OTOG: variants seen among roughly 807,000 people sequenced by gnomAD.
The protein encoded by OTOG is otogelin.
OTOG carries 296 observed loss-of-function variants against 313.8 expected under a neutral mutation model. That is an observed-to-expected ratio of 0.94 (90% CI 0.86 to 1.04). OTOG has a LOEUF of 1.04. Ranked by LOEUF, OTOG falls within the 50% of genes least tolerant of loss-of-function variation. The pLI is 0.00. For synonymous variants in OTOG, 1,533 were observed against 1,554.9 expected, an observed-to-expected ratio of 0.99 and a Z score of 0.33; for missense variants, 3,948 against 3,840.1, an observed-to-expected ratio of 1.03 and a Z score of -0.74.
intron 48 of OTOG, 133 bp downstream of exon 48, chr11:17,638,682 C>T (rs1204241583): frequency 2.6e-5 from 39 of 1,500,152 alleles, no homozygotes; most frequent in African/African-American, 4.2e-5. Flanking sequence ...GAGGAAGCCA[C>T]CAGAATCACC....
At position 17,559,091 on chromosome 11, in the gene OTOG, G is replaced by A. The variant is rs897339453; in HGVS notation, c.1143G>A (p.Ala381=). ...TAGCCACCTGGTGCCGGGCACTGGCGGAGTATGCCCGGGCGTGTGCCCAGG... is the reference window on the plus strand; with the variant it reads ...TAGCCACCTGGTGCCGGGCACTGGCAGAGTATGCCCGGGCGTGTGCCCAGG... ...GDVATWCRAL[A]EYARACAQAG... Residue 381 remains alanine (A), a synonymous_variant, in exon 11 of 56, where the codon GCG becomes GCA. Transcript: ENST00000399397. 59 of 1,546,904 alleles carry A rather than the reference G, an allele frequency of 3.8e-5. No individual in the cohort carries two copies. The highest frequency in any genetic ancestry group is 3.6e-4 in the African/African-American group (26 of 73,058).
At chr11:17,551,065 T>A (rs754814327) in intron 3 of OTOG, among the ~76,000 whole-genome samples, 1 of 152,130 alleles carries the variant, frequency 6.6e-6, no homozygotes, top group Non-Finnish European at 1.5e-5. Context: ...GTTTGTGGCT[T>A]GTTGGCCCTA....
intron 41 of OTOG, 74 bp downstream of exon 41, chr11:17,631,996 G>T: frequency 6.5e-7 from 1 of 1,541,424 alleles, no homozygotes; most frequent in Non-Finnish European, 8.8e-7. Context: ...ACCTGCAGAG[G>T]CTCATTGTTC....
At position 17,591,454 on chromosome 11, in the gene OTOG, T is replaced by G. The variant is rs1053422616; in HGVS notation, c.2872T>G (p.Cys958Gly). 3.9e-6 allele frequency: 6 copies of G among 1,550,620 alleles called. No individual in the cohort carries two copies. Among genetic ancestry groups the G allele is most frequent in the Non-Finnish European group, 5.2e-6 (6 of 1,147,034 alleles). Residue 958 changes from cysteine (C) to glycine (G), a missense_variant, in exon 25 of 56, where the codon TGC becomes GGC. Physicochemically the swap from Cys to Gly is radical, Grantham distance 159. Transcript: ENST00000399397. Reference protein sequence around the residue: ...QVMSPCHTCVCQRGSFQCTLH... With the variant: ...QVMSPCHTCVGQRGSFQCTLH... The stretch of plus-strand genomic sequence containing the variant: ...GTCTGGGCATGTGTTTTTCAGTGTG[T>G]GCCAGCGGGGCTCATTCCAGTGCAC...
Position 17,610,616 on chromosome 11 carries a change from C to T in OTOG, c.5316C>T (p.Ala1772=), listed in dbSNP as rs933676518. 52 of 1,550,538 alleles carry T rather than the reference C, an allele frequency of 3.4e-5. No homozygotes were observed. The African/African-American group carries it at 3.4e-4, about 10-fold the overall frequency. ...CTCTGCCCCCAGAGACCCCAGCTGC[C>T]GCCAGCCTGTCAACAGCCACTGATG... ...SPALPPETPA[A]ASLSTATDGL... Residue 1772 remains alanine (A), a synonymous_variant, in exon 36 of 56, where the codon GCC becomes GCT. Coordinates refer to ENST00000399397, the MANE Select transcript of OTOG (RefSeq NM_001292063.2).
At chr11:17,622,412 A>G (rs1853886704) in intron 39 of OTOG, among the ~76,000 whole-genome samples, 1 of 152,198 alleles carries the variant, frequency 6.6e-6, no homozygotes. Flanking sequence ...CTTTAAATGT[A>G]TAATTAAATT....
Position 17,634,057 on chromosome 11 carries a change from T to C in OTOG, c.7268-12T>C. On this transcript the variant is annotated splice_polypyrimidine_tract_variant and intron_variant, in intron 43 of 55. Coordinates refer to ENST00000399397, the MANE Select transcript of OTOG (RefSeq NM_001292063.2). ...TCCTCAGTCCCTCGCACCCTGCCAT[T>C]CCCCTCTGCAGCCTGCACTGACAGC... is the stretch of plus-strand genomic sequence containing the variant. 6.5e-7 allele frequency: 1 copy of C among 1,539,666 alleles called. No homozygotes were observed. The highest frequency in any genetic ancestry group is 8.7e-7 in the Non-Finnish European group (1 of 1,144,512).
intron 6 of OTOG, among the ~76,000 whole-genome samples, chr11:17,555,206 G>GGAC (rs546703977): frequency 1.0e-5 from 1 of 98,636 alleles, no homozygotes; most frequent in African/African-American, 5.5e-5. Flanking sequence ...CGGGGGCAGA[G>GGAC]ATGTGTGTGT....
rs762740008 is a variant in OTOG at position 17,645,630 on chromosome 11, G to A, written c.8528G>A (p.Arg2843Lys). The A allele has an allele frequency of 1.0e-5, 16 of 1,550,594 alleles. No homozygotes were observed. Among genetic ancestry groups the A allele is most frequent in the African/African-American group, 2.7e-5 (2 of 73,064 alleles). ...IRMTIRKNEC[R>K]SSTPVNLVSC... ...ATGACCATCCGCAAGAATGAATGCA[G>A]GAGCAGCACCCCTGTGCGTGGTGCC... is the stretch of plus-strand genomic sequence containing the variant. The change falls in exon 55 of 56, where the codon AGG (arginine) becomes AAG (lysine). Residue 2843 changes from arginine (R) to lysine (K), a missense_variant. Coordinates refer to ENST00000399397, the MANE Select transcript of OTOG (RefSeq NM_001292063.2).
chr11:17,548,228 G>A lies in OTOG; in HGVS notation c.216+16G>A. On this transcript the variant is annotated intron_variant, in intron 3 of 55. Coordinates refer to ENST00000399397, the MANE Select transcript of OTOG (RefSeq NM_001292063.2). The stretch of plus-strand genomic sequence containing the variant: ...GGGAGGCCAGGTAAGGGAGGTCTTG[G>A]GAGGGGGCTTCATTGAGCAGGAGCT... 6.5e-7 allele frequency: 1 copy of A among 1,539,814 alleles called. No individual in the cohort carries two copies. Among genetic ancestry groups the A allele is most frequent in the Non-Finnish European group, 8.8e-7 (1 of 1,140,356 alleles).
rs1852440881 is a variant in OTOG at position 17,573,116 on chromosome 11, G to A, written c.2119G>A (p.Glu707Lys). ...GCAGGCCTGCAGCGTGCTCACGGGG[G>A]AGATGTTTGCGCCCTGCTCTGCGTT... ...SVQACSVLTGEMFAPCSAFLS... is the reference protein window; with the variant it reads ...SVQACSVLTGKMFAPCSAFLS... The change falls in exon 19 of 56, where the codon GAG becomes AAG. Residue 707 changes from glutamate (E) to lysine (K), a missense_variant. Transcript: ENST00000399397. The A allele has an allele frequency of 6.5e-7, 1 of 1,548,122 alleles. No homozygotes were observed. Among genetic ancestry groups the A allele is most frequent in the Non-Finnish European group, 8.7e-7 (1 of 1,146,960 alleles).
At chr11:17,613,211 C>CTTTCTTTCTTTCTTTCT (rs1565118850) in intron 38 of OTOG, among the ~76,000 whole-genome samples, 1 of 117,882 alleles carries the variant, frequency 8.5e-6, no homozygotes, top group Non-Finnish European at 1.7e-5. Flanking sequence ...TTCTTTCTTT[C>CTTTCTTTCTTTCTTTCT]TTTCTTTCTT....
At position 17,632,207 on chromosome 11, in the gene OTOG, G is replaced by C. The variant is rs1854146875; in HGVS notation, c.7053G>C (p.Trp2351Cys). ...ACAAATTTCATGTGTGCATCGAGTG[G>C]CGGCGCTCTGACTACTGCCGTGAGT... ...MCHKFHVCIE[W>C]RRSDYCPFLC... Residue 2351 changes from tryptophan to cysteine, a missense_variant, in exon 42 of 56, where the codon TGG (tryptophan) becomes TGC (cysteine). By Grantham distance (215) the Trp-to-Cys change is radical. Transcript: ENST00000399397. 1.3e-6 allele frequency: 2 copies of C among 1,550,794 alleles called. No homozygotes were observed. The highest frequency in any genetic ancestry group is 1.7e-6 in the Non-Finnish European group (2 of 1,146,858).
chr11:17,567,894 TTTCTTTTC>T (rs1253273142), intron 15 of OTOG, among the ~76,000 whole-genome samples: 3 of 298 alleles, frequency 0.01, no homozygotes, highest in Non-Finnish European at 0.018. Flanking sequence ...TTAGTAACAC[TTTCTTTTC>T]TTTTCTTTTC....
In OTOG at chr11:17,608,417, A is replaced by G; in HGVS notation, c.4274+4A>G. On this transcript the variant is annotated splice_donor_region_variant and intron_variant, in intron 34 of 55. Transcript: ENST00000399397. The stretch of plus-strand genomic sequence containing the variant: ...CCAGCTGCCGGGACGTACCCAGGTG[A>G]GATGCCAGGGGCTGTGGGCATGGAG... 6.5e-7 allele frequency: 1 copy of G among 1,527,502 alleles called. No homozygotes were observed. The highest frequency in any genetic ancestry group is 8.8e-7 in the Non-Finnish European group (1 of 1,135,880). 94.6% of individuals were successfully genotyped at this position (1,527,502 alleles called of 1,614,324 possible). A position where few individuals can be genotyped will look rare whatever the true frequency, so the allele number is the denominator to read the frequency against.
At chr11:17,613,275 G>C (rs200978187) in intron 38 of OTOG, among the ~76,000 whole-genome samples, 107 of 89,148 alleles carry the variant, frequency 1.2e-3, no homozygotes, top group African/African-American at 3.5e-3. Context: ...TTCTCTCTCT[G>C]TCTGTCTTTC....
At chr11:17,613,269 C>CTTTCTT (rs1278102820) in intron 38 of OTOG, among the ~76,000 whole-genome samples, 6 of 89,696 alleles carry the variant, frequency 6.7e-5, no homozygotes, top group East Asian at 4.4e-4. Context: ...CTTTCTTTCT[C>CTTTCTT]TCTCTGTCTG....
chr11:17,640,473 T>C (rs1347815264), intron 49 of OTOG, among the ~76,000 whole-genome samples: 1 of 152,176 alleles, frequency 6.6e-6, no homozygotes, highest in Non-Finnish European at 1.5e-5. Context: ...CTCCTTAACA[T>C]TGCTGAAGGA....
At chr11:17,561,525 C>A in intron 14 of OTOG, 137 bp from the exon 15 acceptor site, 1 of 908,374 alleles carries the variant, frequency 1.1e-6, no homozygotes, top group Non-Finnish European at 1.7e-6. Context: ...CCAGGGCTCT[C>A]AGGGGCCAGG....
Sources: allele counts gnomAD v4.1 joint callset (sites outside exome capture counted in the v4.1 genomes callset), GRCh38; gene constraint gnomAD v4.1.1; transcripts MANE v1.5; gene names NCBI Gene and HGNC (gene_info 2026-07-23, HGNC 2026-07-21).